Variants in ECHDC3 observed in about 807,000 individuals in gnomAD.
The protein encoded by ECHDC3 is enoyl-CoA hydratase domain containing 3.
In ECHDC3, 20 loss-of-function variants were observed where a neutral mutation model predicts 17.9. That is an observed-to-expected ratio of 1.12 (90% CI 0.79 to 1.63). The LOEUF is 1.63. ECHDC3 is among the 40% of genes most tolerant of loss of function. ECHDC3 has a pLI of 0.00. For missense variants in ECHDC3, 407 were observed against 357.7 expected (o/e 1.14, Z -1.11); for synonymous variants, 177 against 149.7 (o/e 1.18, Z -1.33).
At position 11,763,370 on chromosome 10, in the gene ECHDC3, G is replaced by T. The variant is rs145022424; in HGVS notation, c.738G>T (p.Pro246=). The change falls in exon 5 of 5, where the codon CCG becomes CCT. Residue 246 remains proline (P), a synonymous_variant. Coordinates refer to ENST00000379215, the MANE Select transcript of ECHDC3 (RefSeq NM_024693.5). The surrounding 1 kb of genome is among the most constrained non-coding windows in gnomAD (Gnocchi z 4.9). ...IARKIASLSR[P]VVSLGKATFY... ...GGAAGATCGCATCGCTGAGCCGTCCGGTGGTGTCCCTGGGCAAAGCCACCT... is the reference window on the plus strand; with the variant it reads ...GGAAGATCGCATCGCTGAGCCGTCCTGTGGTGTCCCTGGGCAAAGCCACCT... 1 of 779,378 alleles carries T rather than the reference G, an allele frequency of 1.3e-6. No homozygotes were observed. Among genetic ancestry groups the T allele is most frequent in the Non-Finnish European group, 2.4e-6 (1 of 418,868 alleles). The allele number at this position is 779,378 out of a possible 1,614,324, so 48.3% of individuals were successfully genotyped here. A position where few individuals can be genotyped will look rare whatever the true frequency, so the allele number is the denominator to read the frequency against.
chr10:11,743,008 T>C, intron 1 of ECHDC3: 1 of 331,688 alleles, frequency 3.0e-6, no homozygotes, highest in East Asian at 4.8e-5. Context: ...CGGAGAGGCC[T>C]GGAGAGGAGG....
Position 11,763,753 on chromosome 10 carries a change from G to A in ECHDC3, c.*209G>A, listed in dbSNP as rs1041978211. On this transcript the variant is annotated 3_prime_UTR_variant, in exon 5 of 5. Transcript: ENST00000379215. The surrounding 1 kb of genome is among the most constrained non-coding windows in gnomAD (Gnocchi z 4.9). Reference sequence around the variant, plus strand: ...GACTGAGGTGCTGACCTCAGTGCAAGGCTGGTGAACCCTGCAGCGGGCCAG... The same window carrying A: ...GACTGAGGTGCTGACCTCAGTGCAAAGCTGGTGAACCCTGCAGCGGGCCAG... The A allele has an allele frequency of 2.2e-6, 3 of 1,375,446 alleles. No homozygotes were observed. The highest frequency in any genetic ancestry group is 1.9e-6 in the Non-Finnish European group (2 of 1,065,950). The allele number at this position is 1,375,446 out of a possible 1,614,324, so 85.2% of individuals were successfully genotyped here.
rs58664530 is a variant in ECHDC3 at position 11,756,750 on chromosome 10, A to AT, written c.591+1158dup. 3.1e-3 allele frequency among the ~76,000 whole-genome samples: 455 copies of AT among 144,564 alleles called. 1 individual carries two copies. Among genetic ancestry groups the AT allele is most frequent in the South Asian group, 7.8e-3 (35 of 4,508 alleles). 94.8% of individuals were successfully genotyped at this position (144,564 alleles called of 152,430 possible). On this transcript the variant is annotated intron_variant, in intron 4 of 4. Transcript: ENST00000379215. ...ACACTTACCTTAAACTCATTCAGTA[A>AT]TTTTTTTTTTTTTTTTGAAACAGAG...
chr10:11,759,467 A>G lies in ECHDC3; in HGVS notation c.592-3757A>G, dbSNP rs1832923121. 2.0e-5 allele frequency among the ~76,000 whole-genome samples: 3 copies of G among 151,968 alleles called. No homozygotes were observed. The South Asian group carries it at 6.2e-4, about 32-fold the overall frequency. ...AGGCCCCGTTTACGAACCAGGAGGC[A>G]GGTCCTCACCAGTCGCTGAGTGCCG... On this transcript the variant is annotated intron_variant, in intron 4 of 4. Transcript: ENST00000379215.
intron 4 of ECHDC3, among the ~76,000 whole-genome samples, chr10:11,759,613 C>T (rs1025324990): frequency 6.6e-6 from 1 of 152,178 alleles, no homozygotes; most frequent in Non-Finnish European, 1.5e-5. Flanking sequence ...ACACCACACC[C>T]ATGCAAAGGG....
Position 11,747,380 on chromosome 10 carries a change from A to G in ECHDC3, c.202A>G (p.Asn68Asp). ...CGTCTTGAGCAATCCCAAGAAGAGG[A>G]ACGCGTTGTCACTTGCAATGCTGAA... is the stretch of plus-strand genomic sequence containing the variant. ...NIVLSNPKKRNALSLAMLKSL... is the reference protein window; with the variant it reads ...NIVLSNPKKRDALSLAMLKSL... The change falls in exon 2 of 5, where the codon AAC (asparagine) becomes GAC (aspartate). Residue 68 changes from asparagine (N) to aspartate (D), a missense_variant. Asn to Asp is a conservative substitution (Grantham distance 23, BLOSUM62 1). Transcript: ENST00000379215. The G allele has an allele frequency of 6.2e-7, 1 of 1,614,016 alleles. No homozygotes were observed. The highest frequency in any genetic ancestry group is 8.5e-7 in the Non-Finnish European group (1 of 1,179,926).
intron 1 of ECHDC3, among the ~76,000 whole-genome samples, chr10:11,746,047 C>T (rs1832755311): frequency 6.6e-6 from 1 of 152,054 alleles, no homozygotes; most frequent in South Asian, 2.1e-4. Context: ...AAAAGACGGG[C>T]CTAGGTGCAG....
chr10:11,756,018 T>C (rs182582949), intron 4 of ECHDC3, among the ~76,000 whole-genome samples: 1 of 152,358 alleles, frequency 6.6e-6, no homozygotes, highest in Non-Finnish European at 1.5e-5. Flanking sequence ...ATAATGCCAG[T>C]ATCAAGAGCC....
At chr10:11,749,360 C>A in intron 2 of ECHDC3, 135 bp from the exon 3 acceptor site, 1 of 740,928 alleles carries the variant, frequency 1.3e-6, no homozygotes, top group Non-Finnish European at 2.1e-6. Context: ...AATTATTCTT[C>A]TCAAAATTAG....
chr10:11,742,678 C>G lies in ECHDC3; in HGVS notation c.102C>G (p.Asp34Glu). Residue 34 changes from aspartate (D) to glutamate (E), a missense_variant, in exon 1 of 5, where the codon GAC becomes GAG. Asp to Glu is a conservative substitution (Grantham distance 45, BLOSUM62 2). Transcript: ENST00000379215. ...TCCCCGCCCGCTTCTGCAGCCGGGA[C>G]CCGGCCGGGGCGGGGCGGCGGGAGT... ...AQLPARFCSR[D>E]PAGAGRRESE... The G allele has an allele frequency of 8.0e-7, 1 of 1,245,318 alleles. No homozygotes were observed. 77.1% of individuals were successfully genotyped at this position (1,245,318 alleles called of 1,614,324 possible).
Sources: gnomAD v4.1 joint callset for allele counts (sites outside exome capture counted in the v4.1 genomes callset) on GRCh38, gnomAD v4.1.1 for gene constraint, Gnocchi (gnomAD v3.1) non-coding constraint, MANE v1.5 for transcripts, NCBI Gene and HGNC (gene_info 2026-07-23, HGNC 2026-07-21) for gene names.